LRP1B: variants seen among roughly 807,000 people sequenced by gnomAD.
The protein encoded by LRP1B is LDL receptor related protein 1B, also known as low-density lipoprotein receptor-related protein 1B.
A neutral mutation model predicts 556.6 loss-of-function variants in LRP1B; 217 were observed. The observed-to-expected ratio is 0.39, with a 90% CI of 0.35 to 0.44. LRP1B has a LOEUF of 0.44. LRP1B is among the 20% of genes least tolerant of loss of function. LRP1B has a pLI of 1.00. For missense variants in LRP1B, 5,053 were observed against 5,620.8 expected (o/e 0.90, Z 3.23); for synonymous variants, 2,047 against 1,865.8 (o/e 1.10, Z -2.50).
At chr2:141,601,201 A>AT (rs1491125615) in intron 2 of LRP1B, among the ~76,000 whole-genome samples, 92 of 102,798 alleles carry the variant, frequency 8.9e-4, no homozygotes, top group African/African-American at 3.5e-3. Flanking sequence ...TCTGTCTGTC[A>AT]GTATCTATCT....
chr2:141,670,961 G>C lies in LRP1B; in HGVS notation c.205+139318C>G, dbSNP rs13383904. ...GGACTCATAAAAGGTATCTGAATTA[G>C]ATAAAAACTAATATATAATGGTATC... On this transcript the variant is annotated intron_variant, in intron 2 of 90. Coordinates refer to ENST00000389484, the MANE Select transcript of LRP1B (RefSeq NM_018557.3). Among the ~76,000 whole-genome samples the C allele has an allele frequency of 2.3e-3, 353 of 152,178 alleles. 4 individuals carry two copies. Among genetic ancestry groups the C allele is most frequent in the African/African-American group, 8.2e-3 (340 of 41,538 alleles).
chr2:140,604,438 T>C (rs910473312), intron 41 of LRP1B, among the ~76,000 whole-genome samples: 3 of 152,000 alleles, frequency 2.0e-5, no homozygotes, highest in African/African-American at 7.2e-5. Flanking sequence ...ATAGGGAAAT[T>C]GATTCTAATA....
At chr2:140,382,628 A>G (rs188863331) in intron 67 of LRP1B, among the ~76,000 whole-genome samples, 1 of 152,326 alleles carries the variant, frequency 6.6e-6, no homozygotes, top group East Asian at 1.9e-4. Context: ...CTATGTATAT[A>G]TAAAAATATA....
At chr2:141,982,820 T>C (rs1380248592) in intron 1 of LRP1B, among the ~76,000 whole-genome samples, 2 of 152,142 alleles carry the variant, frequency 1.3e-5, no homozygotes, top group Non-Finnish European at 2.9e-5. Flanking sequence ...GCCTGAAAAG[T>C]TGTATGAATA....
chr2:140,317,496 G>A (rs1684575579), intron 82 of LRP1B, among the ~76,000 whole-genome samples: 1 of 150,130 alleles, frequency 6.7e-6, no homozygotes, highest in Non-Finnish European at 1.5e-5. Flanking sequence ...ATGGGAAATG[G>A]AGGGGTAGTT....
chr2:140,970,562 G>A (rs950661363), intron 18 of LRP1B, among the ~76,000 whole-genome samples: 1 of 152,038 alleles, frequency 6.6e-6, no homozygotes, highest in Non-Finnish European at 1.5e-5. Context: ...TGTTGCTGGC[G>A]AGGAGCTACG....
chr2:141,434,016 T>C (rs1373965668), intron 3 of LRP1B, among the ~76,000 whole-genome samples: 1 of 151,878 alleles, frequency 6.6e-6, no homozygotes, highest in Non-Finnish European at 1.5e-5. Context: ...ACCTTACTGC[T>C]TTCAAGATTT....
At chr2:141,839,775 T>A (rs958755679) in intron 1 of LRP1B, among the ~76,000 whole-genome samples, 2 of 152,184 alleles carry the variant, frequency 1.3e-5, no homozygotes, top group South Asian at 2.1e-4. Context: ...CACTGCTTCA[T>A]CCTACTCAGC....
At chr2:140,502,017 A>G in intron 54 of LRP1B, 143 bp from the exon 55 acceptor site, 1 of 569,128 alleles carries the variant, frequency 1.8e-6, no homozygotes, top group Admixed American at 3.7e-5. Flanking sequence ...CATATTCAGT[A>G]TAATATCTTA....
intron 19 of LRP1B, among the ~76,000 whole-genome samples, chr2:140,951,293 T>G (rs780943321): frequency 2.6e-5 from 4 of 152,176 alleles, no homozygotes; most frequent in Non-Finnish European, 5.9e-5. Context: ...TTTATATTCT[T>G]TATTAACAAC....
At chr2:140,400,072 T>C (rs1452095848) in intron 66 of LRP1B, among the ~76,000 whole-genome samples, 1 of 152,222 alleles carries the variant, frequency 6.6e-6, no homozygotes, top group Non-Finnish European at 1.5e-5. Flanking sequence ...CCTTAGGTTC[T>C]TGAACACTCA....
intron 1 of LRP1B, among the ~76,000 whole-genome samples, chr2:141,956,759 T>A (rs1355932693): frequency 1.3e-5 from 2 of 152,058 alleles, no homozygotes; most frequent in African/African-American, 4.8e-5. Context: ...GCTTTGCACA[T>A]AGAAGGGATA....
intron 31 of LRP1B, among the ~76,000 whole-genome samples, chr2:140,828,161 A>G (rs1691574529): frequency 6.6e-6 from 1 of 152,214 alleles, no homozygotes; most frequent in Non-Finnish European, 1.5e-5. Flanking sequence ...CTAATATACA[A>G]AAAGAAAACA....
At chr2:140,390,544 G>GA (rs35786109) in intron 66 of LRP1B, among the ~76,000 whole-genome samples, 89 of 148,652 alleles carry the variant, frequency 6.0e-4, no homozygotes, top group African/African-American at 2.0e-3. Context: ...GACAGGCATT[G>GA]AAAAAAAGCA....
Position 140,856,651 on chromosome 2 carries a change from A to C in LRP1B, c.4580-4868T>G, listed in dbSNP as rs192867767. Reference sequence around the variant, plus strand: ...TGTGTGAAAATAAAACTTTATTTACAAGACAGAGGGCTGAATTTAGCCTGA... The same window carrying C: ...TGTGTGAAAATAAAACTTTATTTACCAGACAGAGGGCTGAATTTAGCCTGA... On this transcript the variant is annotated intron_variant, in intron 27 of 90. Transcript: ENST00000389484. Among the ~76,000 whole-genome samples the C allele has an allele frequency of 1.8e-4, 27 of 152,272 alleles. 1 individual carries two copies. The highest frequency in any genetic ancestry group is 6.5e-4 in the African/African-American group (27 of 41,552).
chr2:141,184,435 C>T (rs1681148007), intron 7 of LRP1B, among the ~76,000 whole-genome samples: 1 of 151,942 alleles, frequency 6.6e-6, no homozygotes, highest in Admixed American at 6.6e-5. Context: ...GAGGTGCCCA[C>T]TCTATACCCG....
intron 56 of LRP1B, among the ~76,000 whole-genome samples, chr2:140,495,199 T>C (rs1688865379): frequency 6.6e-6 from 1 of 152,078 alleles, no homozygotes; most frequent in African/African-American, 2.4e-5. Flanking sequence ...GTATGTATGG[T>C]GGAGGGGAGA....
chr2:141,931,634 T>C (rs981753835), intron 1 of LRP1B, among the ~76,000 whole-genome samples: 1 of 152,002 alleles, frequency 6.6e-6, no homozygotes, highest in African/African-American at 2.4e-5. Flanking sequence ...AAAGAAGAAA[T>C]TGAGGGTTTA....
At chr2:141,735,317 T>G (rs1009632486) in intron 2 of LRP1B, among the ~76,000 whole-genome samples, 1 of 148,116 alleles carries the variant, frequency 6.8e-6, no homozygotes, top group Non-Finnish European at 1.5e-5. Context: ...CAGTTAGAGG[T>G]CAGCATGGAG....
Sources: allele counts gnomAD v4.1 joint callset (sites outside exome capture counted in the v4.1 genomes callset), GRCh38; gene constraint gnomAD v4.1.1; transcripts MANE v1.5; gene names NCBI Gene and HGNC (gene_info 2026-07-23, HGNC 2026-07-21).